The following MTCL2 variants were observed in gnomAD, a reference collection of about 807,000 sequenced individuals.
MTCL2 encodes microtubule cross-linking factor 2.
the MTCL2 span, among the ~76,000 whole-genome samples, chr20:36,792,871 G>A: frequency 6.6e-6 from 1 of 151,442 alleles, no homozygotes; most frequent in Admixed American, 6.6e-5. Flanking sequence ...CAGACAGACA[G>A]ACAGACAGAC....
the MTCL2 span, among the ~76,000 whole-genome samples, chr20:36,817,726 T>C: frequency 6.6e-6 from 1 of 152,216 alleles, no homozygotes; most frequent in Admixed American, 6.5e-5. Flanking sequence ...CCCTCCAGCC[T>C]GCTCCCATGT....
the MTCL2 span, among the ~76,000 whole-genome samples, chr20:36,842,950 A>G: frequency 4.6e-5 from 7 of 152,078 alleles, no homozygotes; most frequent in Admixed American, 4.6e-4. Context: ...CGGATTCCTC[A>G]GCTCTCCCTA....
the MTCL2 span, among the ~76,000 whole-genome samples, chr20:36,843,595 T>C: frequency 1.3e-5 from 2 of 152,172 alleles, no homozygotes; most frequent in African/African-American, 2.4e-5. Context: ...GAAGGAAGCA[T>C]GAAGGAAAGA....
chr20:36,831,333 AGCTGG>A, the MTCL2 span, among the ~76,000 whole-genome samples: 1 of 152,210 alleles, frequency 6.6e-6, no homozygotes, highest in Non-Finnish European at 1.5e-5. Flanking sequence ...GTGTGGGTTG[AGCTGG>A]GCTGGGAGCC....
the MTCL2 span, chr20:36,815,065 AAAAACAAAAC>A: frequency 3.4e-6 from 5 of 1,486,910 alleles, no homozygotes; most frequent in African/African-American, 7.0e-5. This position sits in a 1 kb window ranked among gnomAD's most constrained non-coding sequence, Gnocchi z 5.3. Flanking sequence ...CTATCTCAAG[AAAAACAAAAC>A]AAAACAAAGG....
chr20:36,792,543 A>T, the MTCL2 span, among the ~76,000 whole-genome samples: 2 of 151,298 alleles, frequency 1.3e-5, no homozygotes, highest in East Asian at 3.9e-4. Flanking sequence ...AAAAACCCAC[A>T]GAGATGCTGA....
At chr20:36,835,341 A>G in the MTCL2 span, among the ~76,000 whole-genome samples, 1 of 151,976 alleles carries the variant, frequency 6.6e-6, no homozygotes, top group Admixed American at 6.6e-5. Flanking sequence ...GGTTTTATTC[A>G]TGACCCCCCA....
the MTCL2 span, among the ~76,000 whole-genome samples, chr20:36,806,332 G>C: frequency 6.6e-6 from 1 of 152,130 alleles, no homozygotes; most frequent in Admixed American, 6.5e-5. Context: ...GTTCAGGATG[G>C]AAATAAGACA....
chr20:36,856,837 A>C, the MTCL2 span, among the ~76,000 whole-genome samples: 1 of 152,022 alleles, frequency 6.6e-6, no homozygotes, highest in African/African-American at 2.4e-5. Context: ...GAAATGTCAC[A>C]GCGTGTGTGT....
At chr20:36,793,190 C>T in the MTCL2 span, 1 of 1,483,804 alleles carries the variant, frequency 6.7e-7, no homozygotes, top group Admixed American at 2.4e-5. This position sits in a 1 kb window ranked among gnomAD's most constrained non-coding sequence, Gnocchi z 6.8. Context: ...ACCAAAAGAG[C>T]TTGGACCTTA....
At chr20:36,857,918 G>A in the MTCL2 span, among the ~76,000 whole-genome samples, 9 of 152,082 alleles carry the variant, frequency 5.9e-5, no homozygotes, top group African/African-American at 1.9e-4. Flanking sequence ...GGCCCTGGGC[G>A]GGCGTGCTTG....
chr20:36,803,600 G>C, the MTCL2 span, among the ~76,000 whole-genome samples: 5 of 152,078 alleles, frequency 3.3e-5, no homozygotes, highest in East Asian at 3.9e-4. Flanking sequence ...ATCTGGAAGA[G>C]GGTTAGGAGG....
the MTCL2 span, chr20:36,810,153 G>A: frequency 7.1e-6 from 11 of 1,544,486 alleles, no homozygotes; most frequent in East Asian, 2.4e-5. Flanking sequence ...GGAGAGAGAG[G>A]AAGAAGTGGA....
At chr20:36,815,633 G>C in the MTCL2 span, 3 of 1,605,022 alleles carry the variant, frequency 1.9e-6, no homozygotes, top group Non-Finnish European at 2.5e-6. The surrounding 1 kb of genome is among the most constrained non-coding windows in gnomAD (Gnocchi z 5.3). Flanking sequence ...CGAGGTCACA[G>C]CGCTGGAGGT....
At chr20:36,792,669 G>C in the MTCL2 span, among the ~76,000 whole-genome samples, 1 of 152,122 alleles carries the variant, frequency 6.6e-6, no homozygotes, top group Non-Finnish European at 1.5e-5. Flanking sequence ...TGGAGCAAAA[G>C]CTGCTAGTTA....
the MTCL2 span, among the ~76,000 whole-genome samples, chr20:36,801,687 C>T: frequency 6.6e-6 from 1 of 152,040 alleles, no homozygotes; most frequent in Non-Finnish European, 1.5e-5. Flanking sequence ...AAAGTAAGGC[C>T]AGGCGCGGTG....
At chr20:36,849,654 G>A in the MTCL2 span, among the ~76,000 whole-genome samples, 4 of 151,962 alleles carry the variant, frequency 2.6e-5, no homozygotes, top group Non-Finnish European at 5.9e-5. Context: ...TACCAGCCTG[G>A]GCTGGTAAAT....
the MTCL2 span, among the ~76,000 whole-genome samples, chr20:36,801,034 C>A: frequency 2.0e-5 from 3 of 152,088 alleles, no homozygotes; most frequent in Non-Finnish European, 4.4e-5. Context: ...TGAGGCACAA[C>A]TTGAACTTTT....
chr20:36,845,612 C>T, the MTCL2 span, among the ~76,000 whole-genome samples: 4 of 152,136 alleles, frequency 2.6e-5, no homozygotes, highest in Admixed American at 6.6e-5. Context: ...GAGAGGCTGG[C>T]GAATGCAGGA....
Sources: gnomAD v4.1 joint callset for allele counts (sites outside exome capture counted in the v4.1 genomes callset) on GRCh38, gnomAD v4.1.1 for gene constraint, Gnocchi (gnomAD v3.1) non-coding constraint, MANE v1.5 for transcripts, NCBI Gene and HGNC (gene_info 2026-07-23, HGNC 2026-07-21) for gene names.